The following ARHGAP15 variants were observed in gnomAD, a reference collection of about 807,000 sequenced individuals.
ARHGAP15 encodes Rho GTPase activating protein 15, also known as rho GTPase-activating protein 15.
ARHGAP15 carries 51 observed loss-of-function variants against 63.7 expected under a neutral mutation model. The observed-to-expected ratio is 0.80, with a 90% CI of 0.64 to 1.01. The LOEUF (loss-of-function observed/expected upper bound fraction) is 1.01, where lower values mean the gene tolerates loss of function less well. Among genes scored for constraint, ARHGAP15 ranks in the 50% least tolerant of loss-of-function variants. The probability of loss-of-function intolerance (pLI) is 0.00; values close to 1 mark genes in which losing one functional copy is unlikely to be tolerated. For synonymous variants in ARHGAP15, 191 were observed against 193.8 expected, an observed-to-expected ratio of 0.99 and a Z score of 0.12; for missense variants, 560 against 564.6, an observed-to-expected ratio of 0.99 and a Z score of 0.08.
At position 143,147,663 on chromosome 2, in the gene ARHGAP15, C is replaced by A. The variant is rs16858647; in HGVS notation, c.-14-7814C>A. Among the ~76,000 whole-genome samples the A allele has an allele frequency of 6.1e-3, 925 of 152,024 alleles. 5 individuals carry two copies. The highest frequency in any genetic ancestry group is 0.021 in the African/African-American group (877 of 41,502). The stretch of plus-strand genomic sequence containing the variant: ...TTAGATGCAATTGCACCCTAGGAAC[C>A]TTTTCTTCAAATGCTTTATTTAGTT... On this transcript the variant is annotated intron_variant, in intron 1 of 13. Transcript: ENST00000295095.
At chr2:143,678,438 C>T (rs1682933350) in intron 12 of ARHGAP15, among the ~76,000 whole-genome samples, 1 of 152,072 alleles carries the variant, frequency 6.6e-6, no homozygotes, top group Non-Finnish European at 1.5e-5. Context: ...TTCAGTATTC[C>T]TTCTAGAATT....
At chr2:143,634,771 C>T (rs1402844890) in intron 12 of ARHGAP15, among the ~76,000 whole-genome samples, 1 of 152,128 alleles carries the variant, frequency 6.6e-6, no homozygotes, top group Non-Finnish European at 1.5e-5. Flanking sequence ...CCATTTCCTT[C>T]ATCTCATGAC....
intron 12 of ARHGAP15, among the ~76,000 whole-genome samples, chr2:143,636,602 T>C (rs1156371726): frequency 2.0e-5 from 3 of 152,068 alleles, no homozygotes; most frequent in Non-Finnish European, 4.4e-5. Flanking sequence ...ACCACTTTGG[T>C]CAATGTCAGA....
At chr2:143,429,673 G>T (rs1461271782) in intron 6 of ARHGAP15, among the ~76,000 whole-genome samples, 1 of 152,044 alleles carries the variant, frequency 6.6e-6, no homozygotes, top group Non-Finnish European at 1.5e-5. Flanking sequence ...AACATAGGGG[G>T]AGTTGTGGAA....
intron 11 of ARHGAP15, among the ~76,000 whole-genome samples, chr2:143,571,574 T>C (rs546914269): frequency 1.3e-5 from 2 of 152,338 alleles, no homozygotes; most frequent in South Asian, 4.1e-4. Flanking sequence ...TCCATGGGAT[T>C]CTAAAAAGCC....
chr2:143,277,380 A>G (rs115613962), intron 6 of ARHGAP15, among the ~76,000 whole-genome samples: 158 of 152,076 alleles, frequency 1.0e-3, no homozygotes, highest in African/African-American at 3.4e-3. Flanking sequence ...TCAGGGACTC[A>G]TATCAGGATC....
chr2:143,255,571 G>A (rs921466800), intron 6 of ARHGAP15, among the ~76,000 whole-genome samples: 5 of 151,850 alleles, frequency 3.3e-5, no homozygotes, highest in Admixed American at 1.3e-4. Flanking sequence ...AAATGTTTAA[G>A]TACTACTTAA....
chr2:143,542,423 G>A (rs931998831), intron 10 of ARHGAP15, among the ~76,000 whole-genome samples: 1 of 151,902 alleles, frequency 6.6e-6, no homozygotes, highest in Admixed American at 6.6e-5. Flanking sequence ...AGATGAACCT[G>A]GTAACTCAGT....
At chr2:143,327,061 G>A (rs1684284923) in intron 6 of ARHGAP15, among the ~76,000 whole-genome samples, 1 of 152,170 alleles carries the variant, frequency 6.6e-6, no homozygotes, top group South Asian at 2.1e-4. Context: ...AGCAACTTGA[G>A]CAAAGTCTCA....
At chr2:143,402,190 T>G (rs1688013901) in intron 6 of ARHGAP15, among the ~76,000 whole-genome samples, 1 of 151,932 alleles carries the variant, frequency 6.6e-6, no homozygotes, top group Non-Finnish European at 1.5e-5. Flanking sequence ...CAGTGTTTTT[T>G]TAATCTTTTT....
At chr2:143,228,554 C>A (rs750426849) in intron 4 of ARHGAP15, 27 bp from the exon 5 acceptor site, 1 of 1,499,226 alleles carries the variant, frequency 6.7e-7, no homozygotes, top group East Asian at 2.3e-5. Context: ...ATAATGCTTT[C>A]TTTCCCTTTT....
chr2:143,158,297 G>A (rs2105015660), intron 2 of ARHGAP15, among the ~76,000 whole-genome samples: 2 of 151,912 alleles, frequency 1.3e-5, no homozygotes, highest in South Asian at 4.1e-4. Context: ...TCCTGTATAT[G>A]TCGTAAAAGC....
intron 9 of ARHGAP15, among the ~76,000 whole-genome samples, chr2:143,496,930 T>C (rs1369053376): frequency 4.6e-5 from 7 of 152,216 alleles, no homozygotes; most frequent in Non-Finnish European, 1.0e-4. Context: ...GTGGACTATG[T>C]ATCCTTAAAA....
At chr2:143,308,184 A>C (rs1488835111) in intron 6 of ARHGAP15, among the ~76,000 whole-genome samples, 2 of 152,180 alleles carry the variant, frequency 1.3e-5, no homozygotes, top group Non-Finnish European at 2.9e-5. Flanking sequence ...ATCATTACTT[A>C]ATTGATTCAA....
intron 13 of ARHGAP15, among the ~76,000 whole-genome samples, chr2:143,756,337 C>G (rs941144111): frequency 6.6e-6 from 1 of 152,148 alleles, no homozygotes; most frequent in Non-Finnish European, 1.5e-5. Context: ...GATCCATGCA[C>G]AACACTCAAA....
chr2:143,136,063 C>G (rs2104982521), intron 1 of ARHGAP15, among the ~76,000 whole-genome samples: 1 of 152,182 alleles, frequency 6.6e-6, no homozygotes, highest in Non-Finnish European at 1.5e-5. Context: ...GTCCCCCAAC[C>G]CAGCCTGCTT....
At chr2:143,667,484 T>C (rs1425731312) in intron 12 of ARHGAP15, among the ~76,000 whole-genome samples, 6 of 146,368 alleles carry the variant, frequency 4.1e-5, no homozygotes, top group Non-Finnish European at 7.5e-5. Flanking sequence ...GACGAGTTAG[T>C]GGGTGCAGCG....
intron 11 of ARHGAP15, among the ~76,000 whole-genome samples, chr2:143,577,918 A>G (rs1012416294): frequency 6.6e-6 from 1 of 152,214 alleles, no homozygotes; most frequent in Non-Finnish European, 1.5e-5. Flanking sequence ...GAATTTTTAC[A>G]GTTAAGACAA....
At position 143,346,252 on chromosome 2, in the gene ARHGAP15, A is replaced by ACT. The variant is rs1454353919; in HGVS notation, c.475-89348_475-89347insTC. 3.3e-3 allele frequency among the ~76,000 whole-genome samples: 423 copies of ACT among 127,346 alleles called. 5 individuals are homozygous for ACT. The highest frequency in any genetic ancestry group is 0.011 in the African/African-American group (402 of 35,892). 83.5% of individuals were successfully genotyped at this position (127,346 alleles called of 152,430 possible). ...CACTCTCTCTCACACACACACACTC[A>ACT]CACACACACACACACACACACACTC... On this transcript the variant is annotated intron_variant, in intron 6 of 13. Coordinates refer to ENST00000295095, the MANE Select transcript of ARHGAP15 (RefSeq NM_018460.4).
Sources: allele counts gnomAD v4.1 joint callset (sites outside exome capture counted in the v4.1 genomes callset), GRCh38; gene constraint gnomAD v4.1.1; transcripts MANE v1.5; gene names NCBI Gene and HGNC (gene_info 2026-07-23, HGNC 2026-07-21).